Variants in MAST1 observed in about 807,000 individuals in gnomAD.
MAST1 encodes the protein microtubule associated serine/threonine kinase 1.
A neutral mutation model predicts 124.6 loss-of-function variants in MAST1; 40 were observed. That is an observed-to-expected ratio of 0.32 (90% CI 0.25 to 0.42). The LOEUF (loss-of-function observed/expected upper bound fraction) is 0.42, where lower values mean the gene tolerates loss of function less well. MAST1 is among the 10% of genes least tolerant of loss of function. The pLI is 1.00. For synonymous variants in MAST1, 938 were observed against 939.4 expected (o/e 1.00, Z 0.03); for missense variants, 1,558 against 2,181.9 (o/e 0.71, Z 5.70).
At position 12,867,750 on chromosome 19, in the gene MAST1, A is replaced by G; in HGVS notation, c.2339A>G (p.Glu780Gly). The change falls in exon 20 of 26, where the codon GAG becomes GGG. Residue 780 changes from glutamate (E) to glycine (G), a missense_variant. By Grantham distance (98) the Glu-to-Gly change is moderately conservative. Coordinates refer to ENST00000251472, the MANE Select transcript of MAST1 (RefSeq NM_014975.3). ...TGCAGCAAGCGATTCTCCGCGTCCG[A>G]GGCCAGTTTCCTGGAGGGAGAGGCC... is the stretch of plus-strand genomic sequence containing the variant. ...SPEIKRFSAS[E>G]ASFLEGEASP... The G allele has an allele frequency of 2.6e-6, 4 of 1,537,994 alleles. No homozygotes were observed. The highest frequency in any genetic ancestry group is 3.5e-6 in the Non-Finnish European group (4 of 1,142,608).
chr19:12,845,411 C>CAAGAAAAAA (rs1969880559), intron 4 of MAST1, among the ~76,000 whole-genome samples: 1 of 69,142 alleles, frequency 1.4e-5, no homozygotes, highest in Non-Finnish European at 2.5e-5. Context: ...CCTGTTTCTA[C>CAAGAAAAAA]AAAAAAAAAA....
chr19:12,873,369 C>A lies in MAST1; in HGVS notation c.3309C>A (p.Asn1103Lys). ...TCCGGAAGATCACGAAGCAGTCGAA[C>A]CTGCTGCATACTAGCCGCTCGCTGT... is the stretch of plus-strand genomic sequence containing the variant. The part of the protein sequence containing the change: ...SLFRKITKQS[N>K]LLHTSRSLSS... Residue 1103 changes from asparagine to lysine, a missense_variant, in exon 25 of 26, where the codon AAC (asparagine) becomes AAA (lysine). Around this residue, in one of 10 missense-constraint regions of MAST1, gnomAD observed 291 missense variants for 475.8 expected, o/e 0.61. Coordinates refer to ENST00000251472, the MANE Select transcript of MAST1 (RefSeq NM_014975.3). 2 of 1,614,028 alleles carry A rather than the reference C, an allele frequency of 1.2e-6. No individual in the cohort carries two copies. The highest frequency in any genetic ancestry group is 8.5e-7 in the Non-Finnish European group (1 of 1,179,954).
intron 1 of MAST1, among the ~76,000 whole-genome samples, chr19:12,839,103 C>T (rs369442834): frequency 1.3e-5 from 2 of 149,276 alleles, no homozygotes; most frequent in African/African-American, 2.5e-5. Context: ...GCTCCCTCTT[C>T]GGGAGCTGGA....
rs1970264949 is a variant in MAST1 at position 12,873,441 on chromosome 19, G to A, written c.3381G>A (p.Ser1127=). Residue 1127 remains serine (S), a synonymous_variant, in exon 25 of 26, where the codon TCG becomes TCA. Transcript: ENST00000251472. ...CATCCAGCGATAGTCTCCCGGGCTC[G>A]CCTACGCACGGGCTGCCGGCGCGCT... The part of the protein sequence containing the change: ...SLSSSDSLPG[S]PTHGLPARSP... The A allele has an allele frequency of 6.2e-7, 1 of 1,612,434 alleles. No individual in the cohort carries two copies. The highest frequency in any genetic ancestry group is 8.5e-7 in the Non-Finnish European group (1 of 1,179,904).
At chr19:12,871,210 G>A (rs1490046428) in intron 24 of MAST1, 38 bp downstream of exon 24, 3 of 1,612,222 alleles carry the variant, frequency 1.9e-6, no homozygotes, top group Non-Finnish European at 2.5e-6. Flanking sequence ...TTTGAGCAGT[G>A]GGTGGAACTT....
rs760576324 is a variant in MAST1, at chr19:12,867,475, T to C, written c.2141T>C (p.Val714Ala). 3 of 1,612,638 alleles carry C rather than the reference T, an allele frequency of 1.9e-6. No homozygotes were observed. In the Admixed American group the frequency reaches 5.0e-5, roughly 27 times the overall value. ...FSSCSPRFSK[V>A]YSSMEQLSQH... ...CTTGCCTCCCACCACCACCTACAGG[T>C]GTATAGCAGCATGGAGCAGCTGTCG... is the stretch of plus-strand genomic sequence containing the variant. Residue 714 changes from valine to alanine, a missense_variant and splice_region_variant, in exon 19 of 26, where the codon GTG becomes GCG. By Grantham distance (64) the Val-to-Ala change is moderately conservative. This residue lies in a region of MAST1 where 287 missense variants were observed against 308.0 expected (regional missense o/e 0.93). Coordinates refer to ENST00000251472, the MANE Select transcript of MAST1 (RefSeq NM_014975.3).
intron 24 of MAST1, chr19:12,872,673 A>C (rs1970251227): frequency 6.6e-6 from 1 of 152,472 alleles, no homozygotes; most frequent in African/African-American, 2.4e-5. Context: ...TGGGTGGATC[A>C]CCTGAGGTCA....
chr19:12,852,312 C>T lies in MAST1; in HGVS notation c.1010-16C>T. On this transcript the variant is annotated splice_polypyrimidine_tract_variant and intron_variant, in intron 9 of 25. Transcript: ENST00000251472. ...GCCCAGAACCCAGCTCGTGCTCACT[C>T]TCAGTCCCTCCCTAGATGTGGTGCA... 6.2e-7 allele frequency: 1 copy of T among 1,614,140 alleles called. No individual in the cohort carries two copies. The highest frequency in any genetic ancestry group is 8.5e-7 in the Non-Finnish European group (1 of 1,180,030).
chr19:12,862,642 T>C (rs1469348820), intron 12 of MAST1, among the ~76,000 whole-genome samples: 1 of 151,514 alleles, frequency 6.6e-6, no homozygotes, highest in Non-Finnish European at 1.5e-5. Context: ...CCTGTTGTTG[T>C]TGTTTTTTTC....
chr19:12,853,389 C>T (rs1046610637), intron 10 of MAST1, among the ~76,000 whole-genome samples: 4 of 151,916 alleles, frequency 2.6e-5, no homozygotes, highest in Non-Finnish European at 4.4e-5. Context: ...TTGAGACCAG[C>T]CTGGGCAGCA....
chr19:12,865,774 T>A lies in MAST1; in HGVS notation c.1862T>A (p.Ile621Lys). 1 of 1,613,914 alleles carries A rather than the reference T, an allele frequency of 6.2e-7. No individual in the cohort carries two copies. The highest frequency in any genetic ancestry group is 8.5e-7 in the Non-Finnish European group (1 of 1,179,946). ...CTACCTACGGAGGCCCAACTCCTCA[T>A]ATCCAGCCTCCTGCAGACCAACCCT... ...EALPTEAQLLISSLLQTNPLV... is the reference protein window; with the variant it reads ...EALPTEAQLLKSSLLQTNPLV... The change falls in exon 16 of 26, where the codon ATA becomes AAA. Residue 621 changes from isoleucine to lysine, a missense_variant. Physicochemically the swap from Ile to Lys is moderately radical, Grantham distance 102. This residue lies in a region of MAST1 where 145 missense variants were observed against 350.0 expected (regional missense o/e 0.41). Transcript: ENST00000251472. The surrounding 1 kb of genome is among the most constrained non-coding windows in gnomAD (Gnocchi z 7.1).
In MAST1 at chr19:12,843,529, G is replaced by A. The variant is rs1375324962; in HGVS notation, c.249G>A (p.Arg83=). 3 of 1,613,210 alleles carry A rather than the reference G, an allele frequency of 1.9e-6. No individual in the cohort carries two copies. Among genetic ancestry groups the A allele is most frequent in the South Asian group, 1.1e-5 (1 of 91,050 alleles). The change falls in exon 4 of 26, where the codon AGG becomes AGA. Residue 83 remains arginine, a splice_region_variant and synonymous_variant. Transcript: ENST00000251472. This position sits in a 1 kb window ranked among gnomAD's most constrained non-coding sequence, Gnocchi z 4.9. The part of the protein sequence containing the change: ...PAHFSFASSR[R]ADGRRWSLAS... ...TCTGAGCACCTTGGCTGGGTTCCAGGGCGGACGGACGCCGGTGGTCTCTGG... is the reference window on the plus strand; with the variant it reads ...TCTGAGCACCTTGGCTGGGTTCCAGAGCGGACGGACGCCGGTGGTCTCTGG...
chr19:12,845,782 G>A (rs1025111143), intron 4 of MAST1, among the ~76,000 whole-genome samples: 7 of 150,636 alleles, frequency 4.6e-5, no homozygotes, highest in Admixed American at 1.3e-4. Flanking sequence ...TCAGCCTCCC[G>A]AGTAGCTGGG....
At position 12,838,667 on chromosome 19, in the gene MAST1, A is replaced by T. The variant is rs1252977537; in HGVS notation, c.83+12A>T. On this transcript the variant is annotated intron_variant, in intron 1 of 25. Coordinates refer to ENST00000251472, the MANE Select transcript of MAST1 (RefSeq NM_014975.3). This position sits in a 1 kb window ranked among gnomAD's most constrained non-coding sequence, Gnocchi z 4.3. ...CGCCGCACCAAGAGGTAGACCCCCG[A>T]TCCCCTAGACATTGTCCCGGCCCTC... 2 of 1,606,370 alleles carry T rather than the reference A, an allele frequency of 1.2e-6. No individual in the cohort carries two copies. Among genetic ancestry groups the T allele is most frequent in the Admixed American group, 1.7e-5 (1 of 59,602 alleles).
rs1220931292 is a variant in MAST1 at position 12,873,457 on chromosome 19, C to T, written c.3397C>T (p.Pro1133Ser). ...SLPGSPTHGL[P>S]ARSPTHSYRS... is the part of the protein sequence containing the mutation. ...CCCGGGCTCGCCTACGCACGGGCTG[C>T]CGGCGCGCTCGCCCACGCACAGCTA... The change falls in exon 25 of 26, where the codon CCG becomes TCG. Residue 1133 changes from proline to serine, a missense_variant. Pro to Ser is a moderately conservative substitution (Grantham distance 74). Coordinates refer to ENST00000251472, the MANE Select transcript of MAST1 (RefSeq NM_014975.3). The T allele has an allele frequency of 3.7e-6, 6 of 1,610,676 alleles. No homozygotes were observed. Among genetic ancestry groups the T allele is most frequent in the Non-Finnish European group, 4.2e-6 (5 of 1,179,744 alleles).
rs1308070791 is a variant in MAST1, at chr19:12,852,123, C to T, written c.885C>T (p.Asn295=). 6.2e-7 allele frequency: 1 copy of T among 1,613,680 alleles called. No individual in the cohort carries two copies. The highest frequency in any genetic ancestry group is 2.2e-5 in the East Asian group (1 of 44,900). ...PARLLECLEF[N]PEEFYHLLEA... ...CTCCTGCCCTGCCTCAGGAATTCAA[C>T]CCCGAGGAGTTCTACCACCTGCTGG... is the stretch of plus-strand genomic sequence containing the variant. Residue 295 remains asparagine, a synonymous_variant, in exon 9 of 26, where the codon AAC becomes AAT. Coordinates refer to ENST00000251472, the MANE Select transcript of MAST1 (RefSeq NM_014975.3).
intron 22 of MAST1, among the ~76,000 whole-genome samples, 197 bp downstream of exon 22, chr19:12,869,492 G>A (rs146729598): frequency 2.2e-4 from 33 of 152,166 alleles, no homozygotes; most frequent in African/African-American, 7.9e-4. Flanking sequence ...GGAGTGCAGT[G>A]GCAGGATCTC....
At chr19:12,842,582 C>T (rs750470311) in intron 3 of MAST1, among the ~76,000 whole-genome samples, 2 of 152,194 alleles carry the variant, frequency 1.3e-5, no homozygotes, top group African/African-American at 2.4e-5. Flanking sequence ...CATGAGCCAC[C>T]GCGCCCGTCC....
rs1969908399 is a variant in MAST1 at position 12,847,511 on chromosome 19, AGACCCCT to A, written c.488+63_488+69del. On this transcript the variant is annotated intron_variant, in intron 5 of 25. Transcript: ENST00000251472. The surrounding 1 kb of genome is among the most constrained non-coding windows in gnomAD (Gnocchi z 5.5). ...GTGGTCTTAGGACTTGTGCTTAGAGAGACCCCTGTCCCCGCGAATAAAAGGGTTACAT... is the reference window on the plus strand; with the variant it reads ...GTGGTCTTAGGACTTGTGCTTAGAGAGTCCCCGCGAATAAAAGGGTTACAT... 6.2e-7 allele frequency: 1 copy of A among 1,610,514 alleles called. No individual in the cohort carries two copies. Among genetic ancestry groups the A allele is most frequent in the Non-Finnish European group, 8.5e-7 (1 of 1,177,914 alleles).
Sources: gnomAD v4.1 joint callset for allele counts (sites outside exome capture counted in the v4.1 genomes callset) on GRCh38, gnomAD v4.1.1 for gene constraint, gnomAD v4.1.1 regional missense constraint, Gnocchi (gnomAD v3.1) non-coding constraint, MANE v1.5 for transcripts, NCBI Gene and HGNC (gene_info 2026-07-23, HGNC 2026-07-21) for gene names.